CYP2C19: variants seen among roughly 807,000 people sequenced by gnomAD.
CYP2C19 encodes cytochrome P450 2C19.
Under a neutral mutation model 40.9 loss-of-function variants are expected in CYP2C19, and 59 were observed. That is an observed-to-expected ratio of 1.44 (90% CI 1.17 to 1.79). The LOEUF (loss-of-function observed/expected upper bound fraction) is 1.79, where lower values mean the gene tolerates loss of function less well. Ranked by LOEUF, CYP2C19 falls within the 40% of genes most tolerant of loss-of-function variation. The pLI, the probability that CYP2C19 is intolerant of heterozygous loss-of-function variation, is 0.00. For missense variants in CYP2C19, 754 were observed against 596.9 expected, an observed-to-expected ratio of 1.26 and a Z score of -2.74; for synonymous variants, 253 against 208.7, an observed-to-expected ratio of 1.21 and a Z score of -1.83.
chr10:94,797,288 T>C (rs1848703327), intron 5 of CYP2C19, among the ~76,000 whole-genome samples: 1 of 152,136 alleles, frequency 6.6e-6, no homozygotes, highest in African/African-American at 2.4e-5. Context: ...ATATGCTGGA[T>C]TACGTTTATT....
intron 7 of CYP2C19, among the ~76,000 whole-genome samples, chr10:94,844,180 C>T (rs1456279391): frequency 2.0e-5 from 3 of 152,136 alleles, no homozygotes; most frequent in Non-Finnish European, 4.4e-5. Context: ...CACTTTTCTT[C>T]TTGTGATCAC....
intron 5 of CYP2C19, among the ~76,000 whole-genome samples, chr10:94,802,075 T>G (rs1302708286): frequency 6.6e-6 from 1 of 152,076 alleles, no homozygotes; most frequent in Non-Finnish European, 1.5e-5. Flanking sequence ...GTCCTGCTGA[T>G]TGGTCCATTT....
At chr10:94,797,383 A>G (rs1482971692) in intron 5 of CYP2C19, among the ~76,000 whole-genome samples, 1 of 151,978 alleles carries the variant, frequency 6.6e-6, no homozygotes, top group African/African-American at 2.4e-5. Context: ...GTGCTGCTGG[A>G]TTCGGTTTGC....
chr10:94,854,719 T>G lies in CYP2C19; in HGVS notation c.*1805T>G, dbSNP rs1185372382. The stretch of plus-strand genomic sequence containing the variant: ...ATGCACACATACATATAGGGTTAAA[T>G]GTTTATTTACAATATTGGGCTCATA... On this transcript the variant is annotated 3_prime_UTR_variant, in exon 9 of 9. Coordinates refer to ENST00000371321, the MANE Select transcript of CYP2C19 (RefSeq NM_000769.4). 6.6e-6 allele frequency among the ~76,000 whole-genome samples: 1 copy of G among 152,140 alleles called. No homozygotes were observed. Among genetic ancestry groups the G allele is most frequent in the Non-Finnish European group, 1.5e-5 (1 of 68,028 alleles).
intron 5 of CYP2C19, among the ~76,000 whole-genome samples, chr10:94,820,157 A>T (rs1178922040): frequency 6.6e-6 from 1 of 152,044 alleles, no homozygotes; most frequent in African/African-American, 2.4e-5. Context: ...TTATCTCAAT[A>T]GATGCAGAAA....
chr10:94,771,078 T>C (rs991273029), intron 1 of CYP2C19, among the ~76,000 whole-genome samples: 2 of 152,164 alleles, frequency 1.3e-5, no homozygotes, highest in Admixed American at 6.5e-5. Context: ...GTAGGACATC[T>C]ATGTACCTAT....
At chr10:94,764,568 G>T (rs942789726) in intron 1 of CYP2C19, among the ~76,000 whole-genome samples, 2 of 152,068 alleles carry the variant, frequency 1.3e-5, no homozygotes, top group Non-Finnish European at 2.9e-5. Context: ...TTGGGAATTC[G>T]GTGATGACTG....
intron 1 of CYP2C19, chr10:94,774,474 A>G (rs1848378031): frequency 6.5e-6 from 1 of 154,966 alleles, no homozygotes; most frequent in Admixed American, 6.3e-5. Context: ...TAATTTTAGG[A>G]GTACTGCTGT....
rs77460241 is a variant in CYP2C19 at position 94,849,253 on chromosome 10, G to T, written c.1150-664G>T. Reference sequence around the variant, plus strand: ...ACTAAAGCCCAAGCTTGATGAAAAGGACAGATTCAGAAGGTTGCACCCAAG... The same window carrying T: ...ACTAAAGCCCAAGCTTGATGAAAAGTACAGATTCAGAAGGTTGCACCCAAG... On this transcript the variant is annotated intron_variant, in intron 7 of 8. Coordinates refer to ENST00000371321, the MANE Select transcript of CYP2C19 (RefSeq NM_000769.4). Among the ~76,000 whole-genome samples the T allele has an allele frequency of 3.1e-4, 47 of 152,234 alleles. 1 individual carries two copies. The highest frequency in any genetic ancestry group is 1.9e-3 in the East Asian group (10 of 5,182).
chr10:94,813,889 C>T (rs950046656), intron 5 of CYP2C19, among the ~76,000 whole-genome samples: 1 of 151,472 alleles, frequency 6.6e-6, no homozygotes, highest in African/African-American at 2.4e-5. Context: ...CAGTTTTGTG[C>T]TTGAAACCCA....
rs202170044 is a variant in CYP2C19 at position 94,775,428 on chromosome 10, C to G, written c.370C>G (p.Arg124Gly). The change falls in exon 3 of 9, where the codon CGG becomes GGG. Residue 124 changes from arginine to glycine, a missense_variant. Arg to Gly is a moderately radical substitution (Grantham distance 125). Coordinates refer to ENST00000371321, the MANE Select transcript of CYP2C19 (RefSeq NM_000769.4). ...CAATGGAAAGAGATGGAAGGAGATC[C>G]GGCGTTTCTCCCTCATGACGCTGCG... ...FSNGKRWKEIRRFSLMTLRNF... is the reference protein window; with the variant it reads ...FSNGKRWKEIGRFSLMTLRNF... 2.2e-5 allele frequency: 36 copies of G among 1,613,926 alleles called. No individual in the cohort carries two copies. The Admixed American group carries it at 5.5e-4, about 25-fold the overall frequency.
At chr10:94,764,034 T>G (rs1848209132) in intron 1 of CYP2C19, among the ~76,000 whole-genome samples, 1 of 152,040 alleles carries the variant, frequency 6.6e-6, no homozygotes, top group Non-Finnish European at 1.5e-5. Flanking sequence ...TTCCTCCTGG[T>G]GGGTTTCTGG....
At chr10:94,768,833 G>A (rs1848286787) in intron 1 of CYP2C19, among the ~76,000 whole-genome samples, 1 of 151,158 alleles carries the variant, frequency 6.6e-6, no homozygotes, top group South Asian at 2.1e-4. Flanking sequence ...TTTGTCCTGT[G>A]GGAAGGCTTA....
intron 7 of CYP2C19, among the ~76,000 whole-genome samples, chr10:94,845,950 T>A (rs2134289074): frequency 6.6e-6 from 1 of 152,216 alleles, no homozygotes; most frequent in Middle Eastern, 3.4e-3. Context: ...TGTCTATCCA[T>A]CTATCTAGAC....
At position 94,775,608 on chromosome 10, in the gene CYP2C19, C is replaced by A. The variant is rs770433551; in HGVS notation, c.481+69C>A. On this transcript the variant is annotated intron_variant, in intron 3 of 8. Coordinates refer to ENST00000371321, the MANE Select transcript of CYP2C19 (RefSeq NM_000769.4). ...TCCTCTCTACTGACATTCTTGGAAA[C>A]ATTTCAGGGGTGGCCAGATCTTTTA... is the stretch of plus-strand genomic sequence containing the variant. 6.8e-6 allele frequency: 11 copies of A among 1,612,022 alleles called. No individual in the cohort carries two copies. In the Admixed American group the frequency reaches 1.0e-4, roughly 15 times the overall value.
At chr10:94,813,260 C>T (rs940794122) in intron 5 of CYP2C19, among the ~76,000 whole-genome samples, 1 of 152,094 alleles carries the variant, frequency 6.6e-6, no homozygotes, top group African/African-American at 2.4e-5. Context: ...TAGAGGGACA[C>T]TTGCCAGATA....
rs1849648883 is a variant in CYP2C19 at position 94,851,211 on chromosome 10, G to A, written c.1291+1153G>A. 2.7e-5 allele frequency among the ~76,000 whole-genome samples: 4 copies of A among 150,634 alleles called. No individual in the cohort carries two copies. The South Asian group carries it at 8.3e-4, about 31-fold the overall frequency. On this transcript the variant is annotated intron_variant, in intron 8 of 8. Transcript: ENST00000371321. ...TGCAGTCATGGTAGAAGGCAAAGAGGAAGCAAGCATATATTTTCATGGAAG... is the reference window on the plus strand; with the variant it reads ...TGCAGTCATGGTAGAAGGCAAAGAGAAAGCAAGCATATATTTTCATGGAAG...
At chr10:94,793,400 G>A (rs577317863) in intron 5 of CYP2C19, among the ~76,000 whole-genome samples, 2 of 152,276 alleles carry the variant, frequency 1.3e-5, no homozygotes, top group African/African-American at 4.8e-5. Context: ...TTCTGTTGCT[G>A]GCAAGGAGCT....
At chr10:94,821,786 A>T (rs1474524257) in intron 6 of CYP2C19, among the ~76,000 whole-genome samples, 1 of 151,828 alleles carries the variant, frequency 6.6e-6, no homozygotes, top group Non-Finnish European at 1.5e-5. Context: ...GTTCTAGAAG[A>T]TTTTTTCAAC....
Sources: allele counts gnomAD v4.1 joint callset (sites outside exome capture counted in the v4.1 genomes callset), GRCh38; gene constraint gnomAD v4.1.1; transcripts MANE v1.5; gene names NCBI Gene and HGNC (gene_info 2026-07-23, HGNC 2026-07-21).